The following HOMER1 variants were observed in gnomAD, a reference collection of about 807,000 sequenced individuals.
The protein encoded by HOMER1 is homer scaffold protein 1.
Under a neutral mutation model 48.9 loss-of-function variants are expected in HOMER1, and 3 were observed. The observed-to-expected ratio is 0.06, with a 90% CI of 0.03 to 0.16. HOMER1 has a LOEUF of 0.16. Among genes scored for constraint, HOMER1 ranks in the 10% least tolerant of loss-of-function variants. HOMER1 has a pLI of 1.00. For synonymous variants in HOMER1, 134 were observed against 146.4 expected, an observed-to-expected ratio of 0.92 and a Z score of 0.61; for missense variants, 247 against 411.4, an observed-to-expected ratio of 0.60 and a Z score of 3.46.
intron 5 of HOMER1, among the ~76,000 whole-genome samples, chr5:79,417,475 AAAGCTTTCT>A (rs1227180563): frequency 6.6e-6 from 1 of 152,190 alleles, no homozygotes; most frequent in Non-Finnish European, 1.5e-5. Flanking sequence ...CCATTGATTA[AAAGCTTTCT>A]TTGGAAATTT....
At chr5:79,436,177 TAA>T in intron 5 of HOMER1, among the ~76,000 whole-genome samples, 1 of 151,434 alleles carries the variant, frequency 6.6e-6, no homozygotes, top group East Asian at 1.9e-4. Context: ...AAAAAATAAA[TAA>T]GATTTTAATT....
chr5:79,400,460 G>C (rs1749505792), intron 6 of HOMER1, among the ~76,000 whole-genome samples: 2 of 149,868 alleles, frequency 1.3e-5, no homozygotes, highest in Admixed American at 1.3e-4. Flanking sequence ...GGGCTCAAGT[G>C]ATGTTCCCAC....
At chr5:79,427,777 TCCTTCATTTCCTTCCTTCCTTC>T in intron 5 of HOMER1, among the ~76,000 whole-genome samples, 1 of 144,460 alleles carries the variant, frequency 6.9e-6, no homozygotes, top group Middle Eastern at 3.3e-3. Flanking sequence ...TTCCTTCCTT[TCCTTCATTTCCTTCCTTCCTTC>T]CTTTCCTTCC....
At chr5:79,485,796 T>A (rs1485922534) in intron 1 of HOMER1, among the ~76,000 whole-genome samples, 1 of 152,196 alleles carries the variant, frequency 6.6e-6, no homozygotes, top group African/African-American at 2.4e-5. Flanking sequence ...GGCAACAGCA[T>A]GTGTATGGCA....
At chr5:79,452,276 T>A (rs1238796875) in intron 2 of HOMER1, among the ~76,000 whole-genome samples, 2 of 152,242 alleles carry the variant, frequency 1.3e-5, no homozygotes, top group South Asian at 4.1e-4. Flanking sequence ...TCATTTTTGT[T>A]TCACACATAA....
At chr5:79,424,926 C>T (rs1162453472) in intron 5 of HOMER1, among the ~76,000 whole-genome samples, 4 of 152,008 alleles carry the variant, frequency 2.6e-5, no homozygotes, top group East Asian at 1.9e-4. Context: ...CGGGATGCCA[C>T]GCCAAGTCAT....
chr5:79,402,259 G>C (rs534291609), intron 5 of HOMER1, among the ~76,000 whole-genome samples: 3 of 151,324 alleles, frequency 2.0e-5, no homozygotes, highest in African/African-American at 7.3e-5. Flanking sequence ...TCCGCCTCCT[G>C]GGTTCAAGCG....
intron 1 of HOMER1, among the ~76,000 whole-genome samples, chr5:79,506,307 C>G (rs1183687239): frequency 1.3e-5 from 2 of 152,102 alleles, no homozygotes; most frequent in Admixed American, 1.3e-4. Flanking sequence ...TAATTTCCCT[C>G]AAAAATACTG....
intron 1 of HOMER1, among the ~76,000 whole-genome samples, chr5:79,460,532 CA>C (rs1751291252): frequency 6.6e-6 from 1 of 152,034 alleles, no homozygotes; most frequent in Admixed American, 6.6e-5. Flanking sequence ...CAAATATTAA[CA>C]AAGAGGATAG....
chr5:79,425,422 T>C (rs555039008), intron 5 of HOMER1, among the ~76,000 whole-genome samples: 1 of 152,150 alleles, frequency 6.6e-6, no homozygotes, highest in South Asian at 2.1e-4. Flanking sequence ...AGAAACTATT[T>C]AGGTGTGTTA....
chr5:79,484,561 T>C (rs1200957147), intron 1 of HOMER1, among the ~76,000 whole-genome samples: 1 of 151,478 alleles, frequency 6.6e-6, no homozygotes, highest in Non-Finnish European at 1.5e-5. Flanking sequence ...GAAAATAAAT[T>C]AAAAAAATAA....
At chr5:79,376,277 T>C in intron 8 of HOMER1, 80 bp from the exon 9 acceptor site, 4 of 1,034,760 alleles carry the variant, frequency 3.9e-6, no homozygotes, top group South Asian at 1.7e-5. Context: ...ATTACCAATA[T>C]TGCGGTAATC....
chr5:79,425,353 A>G (rs1750217908), intron 5 of HOMER1, among the ~76,000 whole-genome samples: 1 of 151,388 alleles, frequency 6.6e-6, no homozygotes, highest in Admixed American at 6.6e-5. Context: ...GCTTTTCCAT[A>G]AAAAGGCAAA....
intron 3 of HOMER1, 72 bp downstream of exon 3, chr5:79,450,918 T>C (rs567240206): frequency 2.1e-6 from 3 of 1,405,642 alleles, no homozygotes; most frequent in Non-Finnish European, 3.0e-6. Flanking sequence ...ATACTCTCCA[T>C]TTGGTATTAT....
chr5:79,373,594 G>T lies in HOMER1; in HGVS notation c.*2415C>A, dbSNP rs1031213684. ...AACCTAATTATGACTTGTGGATGAT[G>T]ATTTCTACATACTCTCCTACTGTAA... On this transcript the variant is annotated 3_prime_UTR_variant, in exon 9 of 9. Coordinates refer to ENST00000334082, the MANE Select transcript of HOMER1 (RefSeq NM_004272.5). The T allele has an allele frequency of 6.6e-6, 1 of 151,808 alleles. No homozygotes were observed. The highest frequency in any genetic ancestry group is 2.4e-5 in the African/African-American group (1 of 41,376). The allele number at this position is 151,808 out of a possible 1,614,324, so 9.4% of individuals were successfully genotyped here.
At chr5:79,397,978 G>A in intron 6 of HOMER1, 1 of 159,776 alleles carries the variant, frequency 6.3e-6, no homozygotes, top group Non-Finnish European at 1.4e-5. Context: ...TCCTTCATCT[G>A]TAGCCTTCAA....
At chr5:79,434,066 T>C (rs4292433) in intron 5 of HOMER1, among the ~76,000 whole-genome samples, 5,457 of 152,172 alleles carry the variant, frequency 0.036, 226 homozygotes, top group East Asian at 0.12. Flanking sequence ...AAAGAGCCCA[T>C]TTTCTATCAA....
chr5:79,449,249 TAA>T (rs11290268), intron 3 of HOMER1, among the ~76,000 whole-genome samples: 5 of 150,916 alleles, frequency 3.3e-5, no homozygotes, highest in African/African-American at 1.2e-4. Flanking sequence ...TAATAGGCAA[TAA>T]AAAAAAACAC....
intron 1 of HOMER1, among the ~76,000 whole-genome samples, chr5:79,480,196 C>G (rs1751909215): frequency 6.6e-6 from 1 of 151,952 alleles, no homozygotes; most frequent in Non-Finnish European, 1.5e-5. Context: ...AAAACAACAA[C>G]AGAAGAAGCA....
Sources: gnomAD v4.1 joint callset for allele counts (sites outside exome capture counted in the v4.1 genomes callset) on GRCh38, gnomAD v4.1.1 for gene constraint, MANE v1.5 for transcripts, NCBI Gene and HGNC (gene_info 2026-07-23, HGNC 2026-07-21) for gene names.